The following CTNNA1 variants were observed in gnomAD, a reference collection of about 807,000 sequenced individuals.
The protein encoded by CTNNA1 is catenin alpha-1.
A neutral mutation model predicts 98.4 loss-of-function variants in CTNNA1; 37 were observed. The ratio of observed to expected loss-of-function variants is 0.38; its 90% confidence interval spans 0.29 to 0.49. The LOEUF is 0.49. Among genes scored for constraint, CTNNA1 ranks in the 20% least tolerant of loss-of-function variants. The pLI is 0.95. For synonymous variants in CTNNA1, 404 were observed against 413.2 expected (o/e 0.98, Z 0.27); for missense variants, 761 against 1,147.2 (o/e 0.66, Z 4.86).
At chr5:138,777,235 G>A (rs1366056629) in intron 1 of CTNNA1, among the ~76,000 whole-genome samples, 9 of 150,360 alleles carry the variant, frequency 6.0e-5, no homozygotes, top group East Asian at 4.1e-4. Context: ...GCGGGGCAGA[G>A]GCGCTCCCCA....
At position 138,824,654 on chromosome 5, in the gene CTNNA1, A is replaced by C. The variant is rs761564837; in HGVS notation, c.713A>C (p.Lys238Thr). The C allele has an allele frequency of 4.3e-6, 7 of 1,614,108 alleles. No individual in the cohort carries two copies. Among genetic ancestry groups the C allele is most frequent in the Non-Finnish European group, 5.1e-6 (6 of 1,180,050 alleles). Residue 238 changes from lysine to threonine, a missense_variant, in exon 6 of 18, where the codon AAG becomes ACG. This residue lies in a region of CTNNA1 where 328 missense variants were observed against 354.3 expected (regional missense o/e 0.93). Coordinates refer to ENST00000302763, the MANE Select transcript of CTNNA1 (RefSeq NM_001903.5). ...CLQHPDVAAY[K>T]ANRDLIYKQL... Reference sequence around the variant, plus strand: ...CAGCACCCTGATGTCGCAGCCTATAAGGCCAACAGGGACCTGATATACAAG... The same window carrying C: ...CAGCACCCTGATGTCGCAGCCTATACGGCCAACAGGGACCTGATATACAAG...
At chr5:138,795,751 CT>C (rs796241912) in intron 3 of CTNNA1, among the ~76,000 whole-genome samples, 2 of 149,032 alleles carry the variant, frequency 1.3e-5, no homozygotes, top group African/African-American at 2.5e-5. Context: ...TACTTTCTCT[CT>C]TTTTTTTTTC....
intron 16 of CTNNA1, 107 bp from the exon 17 acceptor site, chr5:138,932,471 G>A: frequency 6.6e-7 from 1 of 1,504,280 alleles, no homozygotes; most frequent in Non-Finnish European, 8.9e-7. Context: ...CCAGCAAGAG[G>A]AGAGGAAGCA....
At chr5:138,909,766 C>G (rs1280593063) in intron 10 of CTNNA1, among the ~76,000 whole-genome samples, 1 of 152,070 alleles carries the variant, frequency 6.6e-6, no homozygotes, top group East Asian at 1.9e-4. Context: ...TTATGGGAAC[C>G]CTGATCATAT....
intron 4 of CTNNA1, among the ~76,000 whole-genome samples, chr5:138,811,164 G>T (rs914785164): frequency 4.0e-5 from 6 of 151,110 alleles, no homozygotes; most frequent in Admixed American, 2.0e-4. Context: ...CTCAGATGGG[G>T]CGGTTGCCAG....
Position 138,892,572 on chromosome 5 carries a change from G to A in CTNNA1, c.1296+4930G>A, listed in dbSNP as rs890939898. Reference sequence around the variant, plus strand: ...AGGCTAGTCTCGAACTCCCAATCTTGATCAAGTGATTCGCCCGCCTCGGCC... The same window carrying A: ...AGGCTAGTCTCGAACTCCCAATCTTAATCAAGTGATTCGCCCGCCTCGGCC... On this transcript the variant is annotated intron_variant, in intron 9 of 17. Coordinates refer to ENST00000302763, the MANE Select transcript of CTNNA1 (RefSeq NM_001903.5). Among the ~76,000 whole-genome samples, 3 of 151,528 alleles carry A rather than the reference G, an allele frequency of 2.0e-5. No individual in the cohort carries two copies. The East Asian group carries it at 5.9e-4, about 30-fold the overall frequency.
chr5:138,777,728 C>T (rs1341097338), intron 1 of CTNNA1, among the ~76,000 whole-genome samples: 4 of 151,272 alleles, frequency 2.6e-5, no homozygotes, highest in Admixed American at 6.6e-5. Context: ...CATGGCGGTG[C>T]GCGCCTGCAA....
At chr5:138,897,634 TCCTTGGGGAGAATGCTGA>T (rs1181029225) in intron 9 of CTNNA1, among the ~76,000 whole-genome samples, 1 of 152,156 alleles carries the variant, frequency 6.6e-6, no homozygotes, top group Non-Finnish European at 1.5e-5. Context: ...AAGTTAGCTG[TCCTTGGGGAGAATGCTGA>T]CCTTGGATTC....
intron 1 of CTNNA1, among the ~76,000 whole-genome samples, chr5:138,776,903 A>C (rs1580942038): frequency 8.8e-5 from 8 of 90,564 alleles, no homozygotes; most frequent in Non-Finnish European, 1.3e-4. Context: ...CAGGGGGCTG[A>C]CCCCCCCACC....
In CTNNA1 at chr5:138,825,485, T is replaced by TTTTTTTGTTTTTG. The variant is rs1554085145; in HGVS notation, c.858+692_858+693insGTTTTTGTTTTTT. ...CCAGTAGATGGCAGCAGTATAAGTT[T>TTTTTTTGTTTTTG]TTTTTTTTTTTTTAGGGCTTTAAAA... On this transcript the variant is annotated intron_variant, in intron 6 of 17. Coordinates refer to ENST00000302763, the MANE Select transcript of CTNNA1 (RefSeq NM_001903.5). Among the ~76,000 whole-genome samples the TTTTTTTGTTTTTG allele has an allele frequency of 1.1e-4, 12 of 107,934 alleles. 1 individual carries two copies. Among genetic ancestry groups the TTTTTTTGTTTTTG allele is most frequent in the Admixed American group, 9.4e-4 (9 of 9,574 alleles). 70.8% of individuals were successfully genotyped at this position (107,934 alleles called of 152,430 possible).
intron 7 of CTNNA1, chr5:138,869,118 G>A (rs1454343452): frequency 1.4e-5 from 2 of 144,908 alleles, no homozygotes; most frequent in Admixed American, 1.4e-4. Context: ...TGTACTTTGA[G>A]TTTCCAGTCT....
chr5:138,776,844 G>T (rs1312174409), intron 1 of CTNNA1, among the ~76,000 whole-genome samples: 1 of 29,640 alleles, frequency 3.4e-5, no homozygotes, highest in Non-Finnish European at 6.7e-5. Context: ...CTGGCCGGGC[G>T]GGGGGGCTGA....
intron 7 of CTNNA1, among the ~76,000 whole-genome samples, chr5:138,864,744 A>G (rs1365853865): frequency 6.6e-6 from 1 of 152,174 alleles, no homozygotes; most frequent in Non-Finnish European, 1.5e-5. Flanking sequence ...GCACAACCAG[A>G]GATGTTGTAT....
intron 9 of CTNNA1, among the ~76,000 whole-genome samples, chr5:138,903,403 C>T (rs893895279): frequency 5.3e-5 from 8 of 152,152 alleles, no homozygotes; most frequent in East Asian, 3.8e-4. Flanking sequence ...CAACTGCCTA[C>T]GCCTTTATCA....
chr5:138,916,428 TG>T (rs1761785774), intron 10 of CTNNA1, among the ~76,000 whole-genome samples: 2 of 151,292 alleles, frequency 1.3e-5, no homozygotes, highest in Non-Finnish European at 2.9e-5. Context: ...AGAGTCGTCC[TG>T]TTTGTCCAGG....
intron 1 of CTNNA1, among the ~76,000 whole-genome samples, chr5:138,781,582 T>G (rs1225401789): frequency 6.6e-6 from 1 of 151,740 alleles, no homozygotes; most frequent in Non-Finnish European, 1.5e-5. Context: ...GAAAGTAGCT[T>G]TCATTCACTT....
chr5:138,932,416 G>A, intron 16 of CTNNA1, 162 bp from the exon 17 acceptor site: 2 of 1,441,874 alleles, frequency 1.4e-6, no homozygotes, highest in Non-Finnish European at 1.8e-6. Flanking sequence ...CAAGCAGAGT[G>A]TAGGCAAGGG....
At chr5:138,869,767 C>T (rs1765167892) in intron 7 of CTNNA1, 2 of 152,492 alleles carry the variant, frequency 1.3e-5, no homozygotes, top group African/African-American at 2.4e-5. Flanking sequence ...CAGTCAATTC[C>T]ATTTATTGAA....
chr5:138,862,311 G>T (rs1314654041), intron 7 of CTNNA1, among the ~76,000 whole-genome samples: 1 of 152,158 alleles, frequency 6.6e-6, no homozygotes, highest in East Asian at 1.9e-4. Flanking sequence ...AATTGGAAGG[G>T]CTGCTTCCTA....
Sources: gnomAD v4.1 joint callset for allele counts (sites outside exome capture counted in the v4.1 genomes callset) on GRCh38, gnomAD v4.1.1 for gene constraint, gnomAD v4.1.1 regional missense constraint, MANE v1.5 for transcripts, NCBI Gene and HGNC (gene_info 2026-07-23, HGNC 2026-07-21) for gene names.